GOLPH3: variants seen among roughly 807,000 people sequenced by gnomAD.
The protein encoded by GOLPH3 is golgi phosphoprotein 3.
A neutral mutation model predicts 28.5 loss-of-function variants in GOLPH3; 14 were observed. That is an observed-to-expected ratio of 0.49 (90% CI 0.32 to 0.77). The LOEUF is 0.77. Among genes scored for constraint, GOLPH3 ranks in the 30% least tolerant of loss-of-function variants. The pLI, the probability that GOLPH3 is intolerant of heterozygous loss-of-function variation, is 0.03. For synonymous variants in GOLPH3, 158 were observed against 159.2 expected (o/e 0.99, Z 0.06); for missense variants, 350 against 393.7 (o/e 0.89, Z 0.94).
At position 32,135,627 on chromosome 5, in the gene GOLPH3, A is replaced by G; in HGVS notation, c.417T>C (p.His139=). 1 of 1,613,984 alleles carries G rather than the reference A, an allele frequency of 6.2e-7. No individual in the cohort carries two copies. Residue 139 remains histidine (H), a synonymous_variant, in exon 3 of 4, where the codon CAT becomes CAC. Coordinates refer to ENST00000265070, the MANE Select transcript of GOLPH3 (RefSeq NM_022130.4). ...GDVLLDEALK[H]VKETQPPETV... is the part of the protein sequence containing the mutation. ...TTTCTGGAGGCTGAGTTTCCTTAAC[A>G]TGCTTCAGAGCTTCATCAAGAAGAA... is the stretch of plus-strand genomic sequence containing the variant.
chr5:32,139,741 C>T (rs1217194060), intron 2 of GOLPH3, among the ~76,000 whole-genome samples: 2 of 151,810 alleles, frequency 1.3e-5, no homozygotes, highest in African/African-American at 2.4e-5. Flanking sequence ...TCACGGATAA[C>T]GTGAAAGAAA....
rs1252645557 is a variant in GOLPH3, at chr5:32,125,545, T to C, written c.*667A>G. On this transcript the variant is annotated 3_prime_UTR_variant, in exon 4 of 4. Transcript: ENST00000265070. Reference sequence around the variant, plus strand: ...GCCAGAAGAAGGGGTAATTTATATATAATTCAAACTATATACAGCATAAAT... The same window carrying C: ...GCCAGAAGAAGGGGTAATTTATATACAATTCAAACTATATACAGCATAAAT... 6.6e-6 allele frequency: 1 copy of C among 152,626 alleles called. No individual in the cohort carries two copies. The highest frequency in any genetic ancestry group is 2.4e-5 in the African/African-American group (1 of 41,450). The allele number at this position is 152,626 out of a possible 1,614,324, so 9.5% of individuals were successfully genotyped here. A position where few individuals can be genotyped will look rare whatever the true frequency, so the allele number is the denominator to read the frequency against.
chr5:32,160,902 C>T (rs1206331041), intron 1 of GOLPH3, among the ~76,000 whole-genome samples: 3 of 151,866 alleles, frequency 2.0e-5, no homozygotes, highest in Non-Finnish European at 4.4e-5. Flanking sequence ...CCCGTCGCTA[C>T]TAAAAATACA....
chr5:32,143,645 T>C, intron 2 of GOLPH3, 104 bp downstream of exon 2: 1 of 1,037,220 alleles, frequency 9.6e-7, no homozygotes, highest in Non-Finnish European at 1.4e-6. Context: ...GAAAGACAAC[T>C]TTAATATCAA....
At chr5:32,163,026 C>A (rs1444422563) in intron 1 of GOLPH3, among the ~76,000 whole-genome samples, 1 of 152,044 alleles carries the variant, frequency 6.6e-6, no homozygotes, top group Non-Finnish European at 1.5e-5. Context: ...TGCAGTGAGC[C>A]AAGATTGCAC....
chr5:32,172,766 C>T (rs1222245822), intron 1 of GOLPH3, among the ~76,000 whole-genome samples: 1 of 152,130 alleles, frequency 6.6e-6, no homozygotes, highest in South Asian at 2.1e-4. Flanking sequence ...GAGGCTGAGG[C>T]AGGAGAATCG....
chr5:32,158,407 C>A (rs1343311033), intron 1 of GOLPH3, among the ~76,000 whole-genome samples: 1 of 152,094 alleles, frequency 6.6e-6, no homozygotes, highest in Non-Finnish European at 1.5e-5. Flanking sequence ...GTTCACAACT[C>A]CTGCCCTCCT....
chr5:32,171,004 TG>T (rs1746821658), intron 1 of GOLPH3, among the ~76,000 whole-genome samples: 1 of 152,144 alleles, frequency 6.6e-6, no homozygotes, highest in Non-Finnish European at 1.5e-5. Flanking sequence ...CAAAGTATAA[TG>T]AGTGACTCTT....
At chr5:32,157,919 G>C (rs1746466765) in intron 1 of GOLPH3, among the ~76,000 whole-genome samples, 1 of 151,424 alleles carries the variant, frequency 6.6e-6, no homozygotes, top group Non-Finnish European at 1.5e-5. Flanking sequence ...GGAGGTTGCA[G>C]TGAGCCGAGA....
chr5:32,131,578 T>A lies in GOLPH3; in HGVS notation c.472+3994A>T, dbSNP rs147105119. Among the ~76,000 whole-genome samples the A allele has an allele frequency of 3.6e-3, 555 of 152,376 alleles. 2 individuals are homozygous for A. Among genetic ancestry groups the A allele is most frequent in the African/African-American group, 0.013 (524 of 41,598 alleles). ...TAAAAGACGTTACTGCGATCCATGC[T>A]GTTAGTCCTCAGTCCCTAAATTATT... On this transcript the variant is annotated intron_variant, in intron 3 of 3. Transcript: ENST00000265070.
At chr5:32,146,191 G>A (rs1746177519) in intron 1 of GOLPH3, among the ~76,000 whole-genome samples, 1 of 151,904 alleles carries the variant, frequency 6.6e-6, no homozygotes, top group Non-Finnish European at 1.5e-5. Context: ...TTGGAAGGCT[G>A]AGGTGGGAGA....
chr5:32,161,023 C>T (rs866612901), intron 1 of GOLPH3, among the ~76,000 whole-genome samples: 8 of 139,344 alleles, frequency 5.7e-5, no homozygotes, highest in Non-Finnish European at 9.0e-5. Context: ...GCCGAGATCG[C>T]GCCACTGCAC....
At chr5:32,143,309 ACTG>A (rs1158203803) in intron 2 of GOLPH3, among the ~76,000 whole-genome samples, 1 of 151,382 alleles carries the variant, frequency 6.6e-6, no homozygotes. Context: ...GGACACAAAC[ACTG>A]CGGAAGGCCG....
chr5:32,174,016 G>C lies in GOLPH3; in HGVS notation c.19C>G (p.Arg7Gly). 7.6e-7 allele frequency: 1 copy of C among 1,309,276 alleles called. No individual in the cohort carries two copies. The highest frequency in any genetic ancestry group is 9.6e-7 in the Non-Finnish European group (1 of 1,038,286). 81.1% of individuals were successfully genotyped at this position (1,309,276 alleles called of 1,614,324 possible). A position where few individuals can be genotyped will look rare whatever the true frequency, so the allele number is the denominator to read the frequency against. MTSLTQ[R>G]SSGLVQRRTE... ...CGCCGCTGCACCAGGCCGGAGCTGC[G>C]CTGGGTCAGCGAGGTCATGGCTCCC... The change falls in exon 1 of 4, where the codon CGC (arginine) becomes GGC (glycine). Residue 7 changes from arginine to glycine, a missense_variant. Transcript: ENST00000265070.
intron 1 of GOLPH3, 82 bp downstream of exon 1, chr5:32,173,728 C>T (rs1452919218): frequency 3.5e-5 from 35 of 1,007,010 alleles, no homozygotes; most frequent in Non-Finnish European, 4.2e-5. Context: ...AAGCCTCGGG[C>T]GCTCACCTGG....
chr5:32,158,127 TAAA>T lies in GOLPH3; in HGVS notation c.226-14250_226-14248del, dbSNP rs1379826912. On this transcript the variant is annotated intron_variant, in intron 1 of 3. Transcript: ENST00000265070. Reference sequence around the variant, plus strand: ...ATAAATAAATAAATAAATAAATAAATAAAATACACACACACACACACACACACA... The same window carrying T: ...ATAAATAAATAAATAAATAAATAAATATACACACACACACACACACACACA... Among the ~76,000 whole-genome samples the T allele has an allele frequency of 3.5e-3, 112 of 31,702 alleles. 1 individual carries two copies. Among genetic ancestry groups the T allele is most frequent in the Admixed American group, 4.9e-3 (14 of 2,872 alleles). 20.8% of individuals were successfully genotyped at this position (31,702 alleles called of 152,430 possible).
At chr5:32,129,692 A>G (rs1581536011) in intron 3 of GOLPH3, among the ~76,000 whole-genome samples, 1 of 152,226 alleles carries the variant, frequency 6.6e-6, no homozygotes, top group East Asian at 1.9e-4. Flanking sequence ...AGAATCTTCA[A>G]GCTAAATCTC....
In GOLPH3 at chr5:32,162,014, G is replaced by A. The variant is rs534603435; in HGVS notation, c.225+11796C>T. On this transcript the variant is annotated intron_variant, in intron 1 of 3. Coordinates refer to ENST00000265070, the MANE Select transcript of GOLPH3 (RefSeq NM_022130.4). ...TGCACTCCAGCCTGGGCGACAGAGCGAGACTCCGTCTCAAAAAAGAAAAAT... is the reference window on the plus strand; with the variant it reads ...TGCACTCCAGCCTGGGCGACAGAGCAAGACTCCGTCTCAAAAAAGAAAAAT... Among the ~76,000 whole-genome samples, 101 of 150,396 alleles carry A rather than the reference G, an allele frequency of 6.7e-4. 1 individual carries two copies. The Middle Eastern group carries it at 0.01, about 15-fold the overall frequency.
intron 2 of GOLPH3, among the ~76,000 whole-genome samples, chr5:32,136,624 T>C (rs1304449557): frequency 6.6e-6 from 1 of 152,200 alleles, no homozygotes; most frequent in African/African-American, 2.4e-5. Flanking sequence ...GAAATAAGAC[T>C]AAATTATATT....
Sources: allele counts gnomAD v4.1 joint callset (sites outside exome capture counted in the v4.1 genomes callset), GRCh38; gene constraint gnomAD v4.1.1; transcripts MANE v1.5; gene names NCBI Gene and HGNC (gene_info 2026-07-23, HGNC 2026-07-21).